NEU3: variants seen among roughly 807,000 people sequenced by gnomAD.
NEU3 encodes sialidase-3.
In NEU3, 10 loss-of-function variants were observed where a neutral mutation model predicts 11.4. That is an observed-to-expected ratio of 0.88 (90% CI 0.54 to 1.49). The LOEUF (loss-of-function observed/expected upper bound fraction) is 1.49, where lower values mean the gene tolerates loss of function less well. Among genes scored for constraint, NEU3 ranks in the 40% most tolerant of loss-of-function variants. The probability of loss-of-function intolerance (pLI) is 0.00; values close to 1 mark genes in which losing one functional copy is unlikely to be tolerated. For synonymous variants in NEU3, 212 were observed against 228.2 expected, an observed-to-expected ratio of 0.93 and a Z score of 0.64; for missense variants, 529 against 581.8, an observed-to-expected ratio of 0.91 and a Z score of 0.93.
In NEU3 at chr11:74,994,614, C is replaced by T. The variant is rs368708044; in HGVS notation, c.200C>T (p.Pro67Leu). ...YRIPALLYIP[P>L]THTFLAFAEK... ...ATCCCAGCCCTGCTCTACATACCCC[C>T]CACCCACACCTTCCTGGCCTTTGCA... The change falls in exon 2 of 3, where the codon CCC becomes CTC. Residue 67 changes from proline to leucine, a missense_variant. Pro to Leu is a moderately conservative substitution (Grantham distance 98). Coordinates refer to ENST00000294064, the MANE Select transcript of NEU3 (RefSeq NM_006656.6). The T allele has an allele frequency of 1.6e-5, 26 of 1,613,952 alleles. No homozygotes were observed. The highest frequency in any genetic ancestry group is 2.1e-5 in the Non-Finnish European group (25 of 1,179,826).
At chr11:75,005,347 CT>C in intron 2 of NEU3, 65 bp from the exon 3 acceptor site, 1 of 1,415,404 alleles carries the variant, frequency 7.1e-7, no homozygotes, top group Non-Finnish European at 9.4e-7. Context: ...AATACTAATA[CT>C]TTTAATGAGC....
intron 1 of NEU3, 76 bp downstream of exon 1, chr11:74,989,230 C>T: frequency 8.0e-7 from 1 of 1,242,864 alleles, no homozygotes; most frequent in Non-Finnish European, 1.1e-6. Context: ...AGACCATCTG[C>T]GTTTGGGAAA....
At chr11:75,018,450 T>G (rs1022586452) in intron 3 of NEU3, among the ~76,000 whole-genome samples, 5 of 152,102 alleles carry the variant, frequency 3.3e-5, no homozygotes, top group Non-Finnish European at 5.9e-5. Context: ...GCAGCTAGAC[T>G]ATAAAGCAGG....
downstream of NEU3, among the ~76,000 whole-genome samples, chr11:75,020,445 G>A (rs1948998099): frequency 6.6e-6 from 1 of 152,140 alleles, no homozygotes; most frequent in Non-Finnish European, 1.5e-5. Context: ...GGGACCCAGT[G>A]GGAGGTAATT....
At chr11:74,998,253 A>C (rs1012869325) in intron 2 of NEU3, among the ~76,000 whole-genome samples, 2 of 152,248 alleles carry the variant, frequency 1.3e-5, no homozygotes, top group African/African-American at 2.4e-5. Context: ...TCACCATAAC[A>C]GATTTAATAA....
At chr11:75,003,987 G>A (rs543783569) in intron 2 of NEU3, among the ~76,000 whole-genome samples, 13 of 152,160 alleles carry the variant, frequency 8.5e-5, no homozygotes, top group Admixed American at 5.9e-4. Flanking sequence ...CTGTATTGAC[G>A]AATATTTGAG....
At chr11:75,000,082 G>A (rs985027410) in intron 2 of NEU3, among the ~76,000 whole-genome samples, 2 of 152,148 alleles carry the variant, frequency 1.3e-5, no homozygotes, top group African/African-American at 4.8e-5. Flanking sequence ...GCAATGAGGT[G>A]AGCTCTCCTA....
In NEU3 at chr11:75,009,619, A is replaced by G. The variant is rs996358718; in HGVS notation, c.*3127A>G. On this transcript the variant is annotated 3_prime_UTR_variant, in exon 3 of 3. Transcript: ENST00000294064. ...TCTACAGGCATGTAGAGAGGACTAC[A>G]TAGGCCTCTGTTCTTTGCCCTCAGG... The G allele has an allele frequency of 6.6e-6, 1 of 152,350 alleles. No homozygotes were observed. Among genetic ancestry groups the G allele is most frequent in the African/African-American group, 2.4e-5 (1 of 41,448 alleles). The allele number at this position is 152,350 out of a possible 1,614,324, so 9.4% of individuals were successfully genotyped here.
chr11:75,006,095 A>T lies in NEU3; in HGVS notation c.989A>T (p.Asp330Val), dbSNP rs768236036. The T allele has an allele frequency of 6.2e-6, 10 of 1,613,810 alleles. No homozygotes were observed. The East Asian group carries it at 2.2e-4, about 36-fold the overall frequency. ...CTGGAGATCCCACATAGGTGCCAGG[A>T]CTCTAGCAGCAAAGATGCACCCACC... ...RPLEIPHRCQ[D>V]SSSKDAPTIQ... Residue 330 changes from aspartate to valine, a missense_variant, in exon 3 of 3, where the codon GAC (aspartate) becomes GTC (valine). Coordinates refer to ENST00000294064, the MANE Select transcript of NEU3 (RefSeq NM_006656.6).
At chr11:74,992,132 C>T (rs1179122361) in intron 1 of NEU3, among the ~76,000 whole-genome samples, 2 of 152,176 alleles carry the variant, frequency 1.3e-5, no homozygotes, top group Admixed American at 6.5e-5. Context: ...CTATCTGAAA[C>T]GAGTGTTCCA....
At chr11:75,013,627 A>T (rs1340899018), downstream of NEU3, among the ~76,000 whole-genome samples, 1 of 152,192 alleles carries the variant, frequency 6.6e-6, no homozygotes, top group Non-Finnish European at 1.5e-5. Context: ...GTAGTTGGGA[A>T]GGGACTTGGT....
At position 75,006,336 on chromosome 11, in the gene NEU3, G is replaced by T. The variant is rs1346664408; in HGVS notation, c.1230G>T (p.Glu410Asp). 6.2e-7 allele frequency: 1 copy of T among 1,614,030 alleles called. No individual in the cohort carries two copies. The change falls in exon 3 of 3, where the codon GAG (glutamate) becomes GAT (aspartate). Residue 410 changes from glutamate to aspartate, a missense_variant. Glu to Asp is a conservative substitution (Grantham distance 45, BLOSUM62 2). Coordinates refer to ENST00000294064, the MANE Select transcript of NEU3 (RefSeq NM_006656.6). ...GCTACTCTGATCTGGCTGCTCTGGA[G>T]GAGGAGGGCTTGTTTGGGTGTTTGT... ...PCGYSDLAAL[E>D]EEGLFGCLFE...
At chr11:74,991,142 A>G (rs1291486243) in intron 1 of NEU3, among the ~76,000 whole-genome samples, 2 of 152,198 alleles carry the variant, frequency 1.3e-5, no homozygotes, top group African/African-American at 2.4e-5. Context: ...GTTCTTAACC[A>G]TTACACCAGC....
intron 1 of NEU3, among the ~76,000 whole-genome samples, chr11:74,994,025 A>G (rs1030395213): frequency 6.6e-6 from 1 of 152,182 alleles, no homozygotes; most frequent in African/African-American, 2.4e-5. Flanking sequence ...CTAGGAAAAA[A>G]AAAAATTCTC....
In NEU3 at chr11:74,994,576, G is replaced by C; in HGVS notation, c.162G>C (p.Gly54=). Residue 54 remains glycine (G), a synonymous_variant, in exon 2 of 3, where the codon GGG becomes GGC. Coordinates refer to ENST00000294064, the MANE Select transcript of NEU3 (RefSeq NM_006656.6). The part of the protein sequence containing the change: ...SPLFRQEDDR[G]ITYRIPALLY... The stretch of plus-strand genomic sequence containing the variant: ...TGTTCCGGCAGGAAGATGACAGAGG[G>C]ATTACCTACCGGATCCCAGCCCTGC... 6.2e-7 allele frequency: 1 copy of C among 1,613,944 alleles called. No individual in the cohort carries two copies. The highest frequency in any genetic ancestry group is 8.5e-7 in the Non-Finnish European group (1 of 1,179,866).
chr11:75,012,530 C>A (rs905728280), downstream of NEU3, among the ~76,000 whole-genome samples: 3 of 152,208 alleles, frequency 2.0e-5, no homozygotes, highest in Admixed American at 2.0e-4. Flanking sequence ...GACAGAGACA[C>A]CTCCAGGCCT....
intron 2 of NEU3, among the ~76,000 whole-genome samples, chr11:74,999,125 A>G (rs1360947592): frequency 1.4e-5 from 2 of 141,466 alleles, no homozygotes; most frequent in East Asian, 2.6e-4. Flanking sequence ...TTTAAATTTT[A>G]ACTGTCTGTT....
intron 2 of NEU3, among the ~76,000 whole-genome samples, chr11:75,003,498 T>G (rs540817047): frequency 6.6e-6 from 1 of 152,340 alleles, no homozygotes; most frequent in Admixed American, 6.5e-5. Flanking sequence ...TTATTTAGTT[T>G]GCTGTAACCA....
In NEU3 at chr11:74,989,029, T is replaced by C. The variant is rs1315079337; in HGVS notation, c.-32T>C. 2.0e-6 allele frequency: 3 copies of C among 1,519,418 alleles called. No individual in the cohort carries two copies. The highest frequency in any genetic ancestry group is 2.7e-6 in the Non-Finnish European group (3 of 1,119,786). The allele number at this position is 1,519,418 out of a possible 1,614,324, so 94.1% of individuals were successfully genotyped here. On this transcript the variant is annotated 5_prime_UTR_variant, in exon 1 of 3. Transcript: ENST00000294064. ...CTCCTCTGTCTCAGTCTCCCCAGCC[T>C]TGGGGCCGGTGCCTCTTCCGGGCTT...
Sources: gnomAD v4.1 joint callset for allele counts (sites outside exome capture counted in the v4.1 genomes callset) on GRCh38, gnomAD v4.1.1 for gene constraint, MANE v1.5 for transcripts, NCBI Gene and HGNC (gene_info 2026-07-23, HGNC 2026-07-21) for gene names.